Variants in LRRC3B observed in about 807,000 individuals in gnomAD.
LRRC3B encodes leucine-rich repeat-containing protein 3B.
LRRC3B carries 2 observed loss-of-function variants against 12.8 expected under a neutral mutation model. The observed-to-expected ratio is 0.16, with a 90% CI of 0.06 to 0.49. LRRC3B has a LOEUF of 0.49. Ranked by LOEUF, LRRC3B falls within the 20% of genes least tolerant of loss-of-function variation. LRRC3B has a pLI of 0.96. For synonymous variants in LRRC3B, 132 were observed against 122.0 expected (o/e 1.08, Z -0.54); for missense variants, 189 against 319.4 (o/e 0.59, Z 3.11).
intron 1 of LRRC3B, among the ~76,000 whole-genome samples, chr3:26,682,210 T>A (rs1175200798): frequency 1.3e-5 from 2 of 152,138 alleles, no homozygotes; most frequent in Non-Finnish European, 2.9e-5. Context: ...CAATCCCTTC[T>A]CCACAAGACT....
At chr3:26,692,170 T>C (rs1251729516) in intron 1 of LRRC3B, among the ~76,000 whole-genome samples, 2 of 152,230 alleles carry the variant, frequency 1.3e-5, no homozygotes, top group Non-Finnish European at 1.5e-5. Flanking sequence ...GCCTAAATAA[T>C]ATCACTTAGT....
chr3:26,633,780 C>T (rs1043372393), intron 1 of LRRC3B, among the ~76,000 whole-genome samples: 13 of 152,170 alleles, frequency 8.5e-5, no homozygotes, highest in African/African-American at 3.1e-4. Flanking sequence ...AGACAGAGGA[C>T]ATCTTTGATC....
chr3:26,637,020 A>C (rs2125405126), intron 1 of LRRC3B, among the ~76,000 whole-genome samples: 1 of 120,264 alleles, frequency 8.3e-6, no homozygotes, highest in Non-Finnish European at 1.8e-5. Flanking sequence ...TTCTTTTGAG[A>C]CGGAGTCTAA....
intron 1 of LRRC3B, among the ~76,000 whole-genome samples, chr3:26,675,798 G>GTTGT (rs1191616444): frequency 1.1e-4 from 17 of 151,796 alleles, no homozygotes; most frequent in Admixed American, 1.0e-3. Context: ...CGCCTTAATT[G>GTTGT]TTGTTTCTTG....
chr3:26,695,214 G>T (rs1029652993), intron 1 of LRRC3B, among the ~76,000 whole-genome samples: 65 of 152,030 alleles, frequency 4.3e-4, no homozygotes, highest in Admixed American at 2.0e-4. Flanking sequence ...CAAATATTTA[G>T]ATTAATTCTA....
At chr3:26,709,485 T>C (rs1700694595) in intron 1 of LRRC3B, 28 bp from the exon 2 acceptor site, 1 of 617,100 alleles carries the variant, frequency 1.6e-6, no homozygotes, top group South Asian at 2.0e-5. Flanking sequence ...GCAAAGGAAC[T>C]AATTGCATCT....
At chr3:26,678,509 A>T (rs1156622411) in intron 1 of LRRC3B, among the ~76,000 whole-genome samples, 1 of 152,090 alleles carries the variant, frequency 6.6e-6, no homozygotes, top group African/African-American at 2.4e-5. Flanking sequence ...ACGAAAAAAA[A>T]AAAAGTAGTA....
chr3:26,657,507 G>T (rs1233251155), intron 1 of LRRC3B, among the ~76,000 whole-genome samples: 1 of 152,146 alleles, frequency 6.6e-6, no homozygotes, highest in Non-Finnish European at 1.5e-5. Flanking sequence ...CTCTCCTTGA[G>T]GGTAAAATTT....
chr3:26,633,079 C>A (rs924852127), intron 1 of LRRC3B, among the ~76,000 whole-genome samples: 4 of 152,136 alleles, frequency 2.6e-5, no homozygotes, highest in Non-Finnish European at 5.9e-5. Flanking sequence ...GATGTTCCTG[C>A]AACAGAAAGC....
intron 1 of LRRC3B, among the ~76,000 whole-genome samples, chr3:26,643,015 C>CAAAAAAAAAA (rs745665933): frequency 1.4e-5 from 2 of 142,602 alleles, no homozygotes; most frequent in Non-Finnish European, 1.5e-5. Context: ...GACTCCGTTT[C>CAAAAAAAAAA]AAAAAAAAAA....
At chr3:26,622,864 T>C (rs1698543887) in exon 1 of LRRC3B, 1 of 152,266 alleles carries the variant, frequency 6.6e-6, no homozygotes, top group African/African-American at 2.4e-5. Context: ...CCTGTCTTTG[T>C]CTGCTCTTCC....
intron 1 of LRRC3B, among the ~76,000 whole-genome samples, chr3:26,646,631 A>C (rs796268018): frequency 1.4e-4 from 19 of 133,312 alleles, no homozygotes; most frequent in African/African-American, 3.4e-4. Flanking sequence ...AAAAAAAAAA[A>C]AAAAACGGAT....
At chr3:26,698,275 C>A (rs1191105675) in intron 1 of LRRC3B, among the ~76,000 whole-genome samples, 1 of 152,158 alleles carries the variant, frequency 6.6e-6, no homozygotes, top group Non-Finnish European at 1.5e-5. Flanking sequence ...ACTTTTATTA[C>A]CCTCATGTTC....
At chr3:26,654,202 T>C (rs1699323660) in intron 1 of LRRC3B, among the ~76,000 whole-genome samples, 1 of 152,230 alleles carries the variant, frequency 6.6e-6, no homozygotes, top group African/African-American at 2.4e-5. Flanking sequence ...TAAGTATTTC[T>C]TGAATGCTGT....
chr3:26,650,593 T>C lies in LRRC3B; in HGVS notation c.-161+27356T>C, dbSNP rs975309889. 3.3e-5 allele frequency among the ~76,000 whole-genome samples: 5 copies of C among 152,128 alleles called. No individual in the cohort carries two copies. The South Asian group carries it at 6.2e-4, about 19-fold the overall frequency. ...ACTCGGAGGTGTTTTGCTTTTTTTTTCACCAAACACTAGCATTTCCAAACA... is the reference window on the plus strand; with the variant it reads ...ACTCGGAGGTGTTTTGCTTTTTTTTCCACCAAACACTAGCATTTCCAAACA... On this transcript the variant is annotated intron_variant, in intron 1 of 1. Transcript: ENST00000396641.
chr3:26,698,318 A>G (rs927909655), intron 1 of LRRC3B, among the ~76,000 whole-genome samples: 1 of 152,210 alleles, frequency 6.6e-6, no homozygotes, highest in Non-Finnish European at 1.5e-5. Context: ...AAATTATGCA[A>G]TGAGTTAGTG....
At chr3:26,673,317 C>T (rs2125434495) in intron 1 of LRRC3B, among the ~76,000 whole-genome samples, 1 of 152,208 alleles carries the variant, frequency 6.6e-6, no homozygotes, top group Non-Finnish European at 1.5e-5. Flanking sequence ...GATTATAATG[C>T]TGTGCCTTTA....
At chr3:26,636,665 CA>C (rs1698879055) in intron 1 of LRRC3B, among the ~76,000 whole-genome samples, 1 of 151,886 alleles carries the variant, frequency 6.6e-6, no homozygotes, top group African/African-American at 2.4e-5. Flanking sequence ...GTTTTTATGC[CA>C]GGGGTGTTTC....
chr3:26,708,208 G>C (rs1026324534), intron 1 of LRRC3B, among the ~76,000 whole-genome samples: 7 of 152,154 alleles, frequency 4.6e-5, no homozygotes, highest in Admixed American at 4.6e-4. Context: ...TGCTCTTCTT[G>C]TTTCTTAGAT....
Sources: gnomAD v4.1 joint callset for allele counts (sites outside exome capture counted in the v4.1 genomes callset) on GRCh38, gnomAD v4.1.1 for gene constraint, MANE v1.5 for transcripts, NCBI Gene and HGNC (gene_info 2026-07-23, HGNC 2026-07-21) for gene names.